The following GALNT1 variants were observed in gnomAD, a reference collection of about 807,000 sequenced individuals.
GALNT1 encodes GalNAc transferase 1.
GALNT1 carries 17 observed loss-of-function variants against 65.7 expected under a neutral mutation model. That is an observed-to-expected ratio of 0.26 (90% CI 0.18 to 0.39). GALNT1 has a LOEUF of 0.39. Ranked by LOEUF, GALNT1 falls within the 10% of genes least tolerant of loss-of-function variation. The pLI is 1.00. For synonymous variants in GALNT1, 210 were observed against 219.7 expected, an observed-to-expected ratio of 0.96 and a Z score of 0.39; for missense variants, 460 against 672.8, an observed-to-expected ratio of 0.68 and a Z score of 3.50.
At chr18:35,686,149 G>A (rs1318553056) in intron 5 of GALNT1, among the ~76,000 whole-genome samples, 4 of 152,088 alleles carry the variant, frequency 2.6e-5, no homozygotes, top group Non-Finnish European at 5.9e-5. Context: ...GATACCATTC[G>A]TAATAGCAAT....
rs965554924 is a variant in GALNT1, at chr18:35,710,866, G to A, written c.*1096G>A. On this transcript the variant is annotated 3_prime_UTR_variant, in exon 12 of 12. Transcript: ENST00000269195. ...GTATTTGGAGATAATACATTTGATG[G>A]TTTTTTGGAAAACCTTTTTCACTCC... 5 of 152,550 alleles carry A rather than the reference G, an allele frequency of 3.3e-5. No homozygotes were observed. Among genetic ancestry groups the A allele is most frequent in the African/African-American group, 9.7e-5 (4 of 41,408 alleles). The allele number at this position is 152,550 out of a possible 1,614,324, so 9.4% of individuals were successfully genotyped here.
intron 1 of GALNT1, among the ~76,000 whole-genome samples, chr18:35,651,992 C>CT (rs2047317387): frequency 6.6e-6 from 1 of 151,168 alleles, no homozygotes; most frequent in Non-Finnish European, 1.5e-5. Context: ...ATACTTGGAA[C>CT]TTTATCTTCA....
At chr18:35,663,211 CTGTT>C (rs578004626) in intron 2 of GALNT1, among the ~76,000 whole-genome samples, 2 of 152,120 alleles carry the variant, frequency 1.3e-5, no homozygotes, top group Non-Finnish European at 2.9e-5. Context: ...CAGTGGGTGG[CTGTT>C]TGACTGCAAG....
intron 1 of GALNT1, among the ~76,000 whole-genome samples, chr18:35,620,409 G>C (rs1261416885): frequency 1.3e-5 from 2 of 152,032 alleles, no homozygotes; most frequent in Non-Finnish European, 2.9e-5. Flanking sequence ...AGTTTGATTT[G>C]TAAAAAAAGA....
intron 4 of GALNT1, among the ~76,000 whole-genome samples, chr18:35,681,930 T>A (rs1036566248): frequency 6.6e-6 from 1 of 152,158 alleles, no homozygotes; most frequent in South Asian, 2.1e-4. Context: ...AAATTATGCA[T>A]AATAACTTCA....
intron 1 of GALNT1, among the ~76,000 whole-genome samples, chr18:35,624,286 C>T (rs1187163993): frequency 6.6e-6 from 1 of 152,196 alleles, no homozygotes; most frequent in Non-Finnish European, 1.5e-5. Flanking sequence ...TCCTTTGATG[C>T]TTCAAGCCAA....
At chr18:35,668,822 A>G (rs1215881570) in intron 3 of GALNT1, among the ~76,000 whole-genome samples, 1 of 152,260 alleles carries the variant, frequency 6.6e-6, no homozygotes, top group Non-Finnish European at 1.5e-5. Flanking sequence ...TGAATATTAT[A>G]AAATCCCAAT....
At chr18:35,628,662 C>T (rs1249143651) in intron 1 of GALNT1, among the ~76,000 whole-genome samples, 3 of 152,122 alleles carry the variant, frequency 2.0e-5, no homozygotes, top group Admixed American at 2.0e-4. Context: ...CAGAGCACCT[C>T]TCCTCCTCCA....
intron 11 of GALNT1, among the ~76,000 whole-genome samples, chr18:35,704,311 CTTT>C (rs111370047): frequency 3.5e-5 from 5 of 141,038 alleles, no homozygotes; most frequent in Non-Finnish European, 6.2e-5. Flanking sequence ...AAACAGATGA[CTTT>C]TTTTTTTTTT....
chr18:35,652,800 C>G (rs765324059), intron 1 of GALNT1, among the ~76,000 whole-genome samples: 5 of 152,188 alleles, frequency 3.3e-5, no homozygotes, highest in African/African-American at 7.2e-5. Context: ...ATCTTAAAAG[C>G]TAATTGTGCA....
At chr18:35,599,122 C>T (rs1355715113) in intron 1 of GALNT1, among the ~76,000 whole-genome samples, 1 of 150,280 alleles carries the variant, frequency 6.7e-6, no homozygotes, top group Admixed American at 6.7e-5. Context: ...GGTTATTAAT[C>T]CTTCATTGGA....
intron 1 of GALNT1, among the ~76,000 whole-genome samples, chr18:35,653,110 T>A (rs183520823): frequency 2.1e-4 from 32 of 152,334 alleles, no homozygotes; most frequent in Admixed American, 3.9e-4. Context: ...AGTAAGTTGC[T>A]CACTACAGGT....
At chr18:35,630,372 C>T (rs139227724) in intron 1 of GALNT1, among the ~76,000 whole-genome samples, 14,503 of 152,116 alleles carry the variant, frequency 0.095, 834 homozygotes, top group African/African-American at 0.17. Flanking sequence ...CACAGTGCAA[C>T]CAAACTAGAA....
At chr18:35,671,440 T>A (rs1312331081) in intron 3 of GALNT1, among the ~76,000 whole-genome samples, 2 of 152,184 alleles carry the variant, frequency 1.3e-5, no homozygotes, top group Non-Finnish European at 2.9e-5. Flanking sequence ...AGGCTGGGAC[T>A]TTGTATTTTA....
At chr18:35,705,315 TAC>T (rs1364675842) in intron 11 of GALNT1, among the ~76,000 whole-genome samples, 2 of 152,230 alleles carry the variant, frequency 1.3e-5, no homozygotes, top group African/African-American at 4.8e-5. Context: ...CAATCTTAAT[TAC>T]AGTCATCTCT....
At chr18:35,664,103 G>C (rs559564798) in intron 3 of GALNT1, 1 of 334,812 alleles carries the variant, frequency 3.0e-6, no homozygotes, top group Non-Finnish European at 5.5e-6. Flanking sequence ...AAAGATTTAA[G>C]TTGTATGTAA....
rs1004709958 is a variant in GALNT1 at position 35,710,437 on chromosome 18, A to G, written c.*667A>G. On this transcript the variant is annotated 3_prime_UTR_variant, in exon 12 of 12. Coordinates refer to ENST00000269195, the MANE Select transcript of GALNT1 (RefSeq NM_020474.4). ...TTGTTTTCATCTGTGATAGTCATGGATGCTTTTATTTTCCTTGGGGTGCTG... is the reference window on the plus strand; with the variant it reads ...TTGTTTTCATCTGTGATAGTCATGGGTGCTTTTATTTTCCTTGGGGTGCTG... 6.6e-6 allele frequency: 1 copy of G among 152,494 alleles called. No individual in the cohort carries two copies. The highest frequency in any genetic ancestry group is 1.5e-5 in the Non-Finnish European group (1 of 68,010). 9.4% of individuals were successfully genotyped at this position (152,494 alleles called of 1,614,324 possible). A position where few individuals can be genotyped will look rare whatever the true frequency, so the allele number is the denominator to read the frequency against.
chr18:35,635,980 G>A lies in GALNT1; in HGVS notation c.-103-18580G>A, dbSNP rs190714001. 1.8e-3 allele frequency among the ~76,000 whole-genome samples: 270 copies of A among 152,192 alleles called. 1 individual carries two copies. The highest frequency in any genetic ancestry group is 1.4e-3 in the Non-Finnish European group (96 of 68,006). On this transcript the variant is annotated intron_variant, in intron 1 of 11. Coordinates refer to ENST00000269195, the MANE Select transcript of GALNT1 (RefSeq NM_020474.4). ...AATTTGCAGAATTGTGGAAATACCAGTTTTGCAGAAAGCACATCAGCCATA... is the reference window on the plus strand; with the variant it reads ...AATTTGCAGAATTGTGGAAATACCAATTTTGCAGAAAGCACATCAGCCATA...
chr18:35,689,905 C>T (rs1224244389), intron 7 of GALNT1, among the ~76,000 whole-genome samples: 6 of 152,196 alleles, frequency 3.9e-5, no homozygotes, highest in African/African-American at 1.2e-4. Flanking sequence ...ATCACACTGA[C>T]GTGTACTGTA....
Sources: allele counts gnomAD v4.1 joint callset (sites outside exome capture counted in the v4.1 genomes callset), GRCh38; gene constraint gnomAD v4.1.1; transcripts MANE v1.5; gene names NCBI Gene and HGNC (gene_info 2026-07-23, HGNC 2026-07-21).